The following ENOX1 variants were observed in gnomAD, a reference collection of about 807,000 sequenced individuals.
ENOX1 encodes ecto-NOX disulfide-thiol exchanger 1, also known as candidate growth-related and time keeping constitutive hydroquinone (NADH) oxidase.
Under a neutral mutation model 82.5 loss-of-function variants are expected in ENOX1, and 42 were observed. That is an observed-to-expected ratio of 0.51 (90% CI 0.40 to 0.66). The LOEUF (loss-of-function observed/expected upper bound fraction) is 0.66. Among genes scored for constraint, ENOX1 ranks in the 30% least tolerant of loss-of-function variants. ENOX1 has a pLI of 0.00. For missense variants in ENOX1, 608 were observed against 811.6 expected (o/e 0.75, Z 3.05); for synonymous variants, 271 against 282.2 (o/e 0.96, Z 0.40).
intron 2 of ENOX1, among the ~76,000 whole-genome samples, chr13:43,630,851 A>G (rs2083175882): frequency 5.7e-5 from 2 of 35,208 alleles, no homozygotes; most frequent in African/African-American, 9.4e-5. Flanking sequence ...ACACACATAT[A>G]TATATATATA....
intron 12 of ENOX1, among the ~76,000 whole-genome samples, chr13:43,275,573 A>AACACAC (rs71202257): frequency 7.6e-4 from 113 of 148,986 alleles, no homozygotes; most frequent in South Asian, 1.7e-3. Flanking sequence ...GACTGACACC[A>AACACAC]ACACACACAC....
At chr13:43,480,513 A>G (rs2058467912) in intron 3 of ENOX1, among the ~76,000 whole-genome samples, 1 of 152,222 alleles carries the variant, frequency 6.6e-6, no homozygotes, top group Admixed American at 6.5e-5. Flanking sequence ...GATGATTTAA[A>G]AACTGAGACT....
chr13:43,686,212 T>A (rs967775409), intron 1 of ENOX1, among the ~76,000 whole-genome samples: 1 of 152,162 alleles, frequency 6.6e-6, no homozygotes, highest in African/African-American at 2.4e-5. Flanking sequence ...TATCTTGAGG[T>A]AGACTGGTAG....
At chr13:43,453,026 G>A (rs919219695) in intron 3 of ENOX1, among the ~76,000 whole-genome samples, 8 of 152,320 alleles carry the variant, frequency 5.3e-5, no homozygotes, top group Middle Eastern at 3.4e-3. Flanking sequence ...CTAAGCATGG[G>A]AAGCTATGAA....
intron 2 of ENOX1, among the ~76,000 whole-genome samples, chr13:43,514,357 C>T (rs1005798116): frequency 6.6e-6 from 1 of 152,158 alleles, no homozygotes; most frequent in Non-Finnish European, 1.5e-5. Context: ...ATGTTTGTAT[C>T]TAGCACCAAA....
At chr13:43,772,450 G>T (rs75380973) in intron 1 of ENOX1, among the ~76,000 whole-genome samples, 7,089 of 152,180 alleles carry the variant, frequency 0.047, 157 homozygotes, top group East Asian at 0.075. Context: ...TAGATGGACT[G>T]TTGGCAGCCT....
intron 1 of ENOX1, among the ~76,000 whole-genome samples, chr13:43,749,483 G>C (rs1950197370): frequency 6.6e-6 from 1 of 152,226 alleles, no homozygotes. Context: ...CAAGGCTGGA[G>C]CTCACCTTGG....
chr13:43,515,742 T>G (rs1012419925), intron 2 of ENOX1, among the ~76,000 whole-genome samples: 1 of 152,190 alleles, frequency 6.6e-6, no homozygotes, highest in African/African-American at 2.4e-5. Flanking sequence ...CACTGAAAAG[T>G]GCTGGAGAGC....
At chr13:43,483,693 A>G (rs1232754925) in intron 3 of ENOX1, among the ~76,000 whole-genome samples, 3 of 152,186 alleles carry the variant, frequency 2.0e-5, no homozygotes, top group Non-Finnish European at 4.4e-5. Context: ...AATCTGATAT[A>G]TGTAGATGCT....
At chr13:43,543,517 T>G (rs1288101525) in intron 2 of ENOX1, among the ~76,000 whole-genome samples, 11 of 152,022 alleles carry the variant, frequency 7.2e-5, no homozygotes, top group Non-Finnish European at 5.9e-5. Flanking sequence ...AATGAGTCAC[T>G]GAACTAGAGT....
intron 3 of ENOX1, among the ~76,000 whole-genome samples, chr13:43,481,527 G>T (rs904678923): frequency 4.6e-5 from 7 of 151,950 alleles, no homozygotes; most frequent in Admixed American, 2.6e-4. Context: ...ATGAATTAAA[G>T]AATTAAATAT....
chr13:43,538,482 T>C lies in ENOX1; in HGVS notation c.-218-54330A>G, dbSNP rs183946245. ...TGAATTAATGTTGAATTTTAATAAA[T>C]ACTTTATCATCATATAATGAGGTAA... is the stretch of plus-strand genomic sequence containing the variant. On this transcript the variant is annotated intron_variant, in intron 2 of 16. Coordinates refer to ENST00000690772, the MANE Select transcript of ENOX1 (RefSeq NM_001347969.2). Among the ~76,000 whole-genome samples, 598 of 152,076 alleles carry C rather than the reference T, an allele frequency of 3.9e-3. 5 individuals are homozygous for C. Among genetic ancestry groups the C allele is most frequent in the East Asian group, 0.029 (153 of 5,188 alleles).
At chr13:43,784,373 T>C (rs551526094) in intron 1 of ENOX1, among the ~76,000 whole-genome samples, 1 of 152,346 alleles carries the variant, frequency 6.6e-6, no homozygotes, top group Non-Finnish European at 1.5e-5. Flanking sequence ...ATAGCAATAA[T>C]TTCCAATTTG....
intron 2 of ENOX1, among the ~76,000 whole-genome samples, chr13:43,607,829 G>A (rs2082040148): frequency 2.0e-5 from 3 of 152,152 alleles, no homozygotes; most frequent in African/African-American, 7.2e-5. Context: ...GTATGTGTTA[G>A]GCATGGGTAG....
At chr13:43,265,092 G>T (rs1046731345) in intron 14 of ENOX1, among the ~76,000 whole-genome samples, 1 of 152,142 alleles carries the variant, frequency 6.6e-6, no homozygotes, top group African/African-American at 2.4e-5. Context: ...CGGGTCTCTT[G>T]CTATTTCCCT....
At chr13:43,630,780 G>GT (rs1438150674) in intron 2 of ENOX1, among the ~76,000 whole-genome samples, 1 of 151,298 alleles carries the variant, frequency 6.6e-6, no homozygotes, top group Non-Finnish European at 1.5e-5. Flanking sequence ...ACTGTAAAAT[G>GT]TTTTTTGGAA....
At chr13:43,496,579 G>A (rs1035197955) in intron 2 of ENOX1, among the ~76,000 whole-genome samples, 6 of 151,746 alleles carry the variant, frequency 4.0e-5, no homozygotes, top group African/African-American at 7.3e-5. Context: ...ATAGGGTCTC[G>A]CTATGTTGCC....
intron 2 of ENOX1, among the ~76,000 whole-genome samples, chr13:43,506,510 C>T (rs1301322607): frequency 8.7e-5 from 12 of 138,588 alleles, no homozygotes; most frequent in Non-Finnish European, 1.8e-4. Context: ...GATTATAAAT[C>T]ATGCTGCTAT....
At chr13:43,486,630 T>A (rs1279077640) in intron 2 of ENOX1, among the ~76,000 whole-genome samples, 1 of 152,160 alleles carries the variant, frequency 6.6e-6, no homozygotes, top group Non-Finnish European at 1.5e-5. Flanking sequence ...ACAACTAGGA[T>A]GTCAAAAACC....
Sources: allele counts gnomAD v4.1 joint callset (sites outside exome capture counted in the v4.1 genomes callset), GRCh38; gene constraint gnomAD v4.1.1; transcripts MANE v1.5; gene names NCBI Gene and HGNC (gene_info 2026-07-23, HGNC 2026-07-21).